ADCY2: variants seen among roughly 807,000 people sequenced by gnomAD.
The protein encoded by ADCY2 is adenylate cyclase 2, also known as adenylate cyclase type 2.
Under a neutral mutation model 125.2 loss-of-function variants are expected in ADCY2, and 31 were observed. The observed-to-expected ratio is 0.25, with a 90% CI of 0.19 to 0.33. The LOEUF is 0.33. ADCY2 is among the 10% of genes least tolerant of loss of function. The pLI is 1.00. For missense variants in ADCY2, 904 were observed against 1,418.2 expected, an observed-to-expected ratio of 0.64 and a Z score of 5.82; for synonymous variants, 512 against 548.4, an observed-to-expected ratio of 0.93 and a Z score of 0.93.
chr5:7,770,137 G>A (rs115090590), intron 17 of ADCY2, among the ~76,000 whole-genome samples: 2 of 152,182 alleles, frequency 1.3e-5, no homozygotes, highest in East Asian at 3.9e-4. Flanking sequence ...TAACAGAAAT[G>A]GACTAAAAGT....
At chr5:7,726,260 G>A (rs375150980) in intron 13 of ADCY2, among the ~76,000 whole-genome samples, 1 of 152,178 alleles carries the variant, frequency 6.6e-6, no homozygotes, top group Admixed American at 6.5e-5. Flanking sequence ...GAGCCTCATG[G>A]TTGAGAGTCT....
In ADCY2 at chr5:7,554,778, T is replaced by C. The variant is rs145764993; in HGVS notation, c.570+33879T>C. ...AGCACATGGTTCATGATAGATTTCATAGGATCTAGGAACCTTCTGAAATTC... is the reference window on the plus strand; with the variant it reads ...AGCACATGGTTCATGATAGATTTCACAGGATCTAGGAACCTTCTGAAATTC... On this transcript the variant is annotated intron_variant, in intron 3 of 24. Coordinates refer to ENST00000338316, the MANE Select transcript of ADCY2 (RefSeq NM_020546.3). Among the ~76,000 whole-genome samples, 238 of 152,318 alleles carry C rather than the reference T, an allele frequency of 1.6e-3. 2 individuals carry two copies. The highest frequency in any genetic ancestry group is 5.4e-3 in the African/African-American group (224 of 41,564).
chr5:7,466,646 T>C (rs1377586224), intron 2 of ADCY2, among the ~76,000 whole-genome samples: 1 of 152,218 alleles, frequency 6.6e-6, no homozygotes, highest in Non-Finnish European at 1.5e-5. Context: ...ACAGACTGGC[T>C]GCTAGAGCCC....
chr5:7,801,413 G>GC (rs1744590658), intron 20 of ADCY2: 1 of 152,188 alleles, frequency 6.6e-6, no homozygotes, highest in Admixed American at 6.5e-5. Flanking sequence ...GTCCACAGTG[G>GC]CCCCGGCTAG....
At chr5:7,558,146 G>A (rs1388589560) in intron 3 of ADCY2, among the ~76,000 whole-genome samples, 2 of 151,720 alleles carry the variant, frequency 1.3e-5, no homozygotes, top group African/African-American at 2.4e-5. Flanking sequence ...CCTGCCACCC[G>A]GGTTTAAGTG....
rs149177353 is a variant in ADCY2 at position 7,593,140 on chromosome 5, C to A, written c.571-33027C>A. Among the ~76,000 whole-genome samples the A allele has an allele frequency of 1.8e-4, 27 of 152,090 alleles. No homozygotes were observed. The East Asian group carries it at 5.0e-3, about 28-fold the overall frequency. On this transcript the variant is annotated intron_variant, in intron 3 of 24. Coordinates refer to ENST00000338316, the MANE Select transcript of ADCY2 (RefSeq NM_020546.3). ...CGCCCTCTGGGGGATGAGCGCAAAT[C>A]GAGGAAAACCTTGAAGGAGTGAAGT...
At chr5:7,475,242 C>CTT (rs1742478356) in intron 2 of ADCY2, among the ~76,000 whole-genome samples, 1 of 152,162 alleles carries the variant, frequency 6.6e-6, no homozygotes, top group African/African-American at 2.4e-5. Context: ...AAGAGAAAAT[C>CTT]CCAAGTGGGC....
intron 16 of ADCY2, among the ~76,000 whole-genome samples, chr5:7,764,798 A>C (rs1316149680): frequency 6.6e-6 from 1 of 152,216 alleles, no homozygotes; most frequent in Non-Finnish European, 1.5e-5. Context: ...CCTGGAGGGA[A>C]GGTGGGCAAG....
chr5:7,562,005 T>G (rs930683260), intron 3 of ADCY2, among the ~76,000 whole-genome samples: 1 of 152,218 alleles, frequency 6.6e-6, no homozygotes, highest in Non-Finnish European at 1.5e-5. Context: ...CTCCGTAGTA[T>G]GTATGTAGGC....
At chr5:7,679,922 G>A (rs967401338) in intron 4 of ADCY2, among the ~76,000 whole-genome samples, 2 of 152,134 alleles carry the variant, frequency 1.3e-5, no homozygotes, top group Admixed American at 1.3e-4. Flanking sequence ...TTAGTGCTCG[G>A]TATAGCCAAT....
rs1316021843 is a variant in ADCY2, at chr5:7,815,495, G to C, written c.2884-1371G>C. On this transcript the variant is annotated intron_variant, in intron 22 of 24. Coordinates refer to ENST00000338316, the MANE Select transcript of ADCY2 (RefSeq NM_020546.3). ...TGGTGCACAGAATCGTTAAGTATTG[G>C]GGGAGCAGAAACCTTCAGGACATTT... 7.9e-5 allele frequency among the ~76,000 whole-genome samples: 12 copies of C among 152,260 alleles called. No homozygotes were observed. In the East Asian group the frequency reaches 2.3e-3, roughly 29 times the overall value.
chr5:7,789,936 C>T, intron 20 of ADCY2, 136 bp downstream of exon 20: 1 of 670,072 alleles, frequency 1.5e-6, no homozygotes, highest in Non-Finnish European at 2.4e-6. Flanking sequence ...CCAAGATTGG[C>T]TTGAATTGTT....
chr5:7,680,651 C>T (rs557974282), intron 4 of ADCY2, among the ~76,000 whole-genome samples: 1 of 152,174 alleles, frequency 6.6e-6, no homozygotes, highest in African/African-American at 2.4e-5. Context: ...AGTGAGAAAA[C>T]ACACCCAATC....
chr5:7,728,027 A>G (rs1741981871), intron 14 of ADCY2, among the ~76,000 whole-genome samples: 1 of 152,168 alleles, frequency 6.6e-6, no homozygotes, highest in Non-Finnish European at 1.5e-5. Context: ...ATATGGAAAG[A>G]AATTTTAAGA....
At chr5:7,642,192 T>C (rs932662306) in intron 4 of ADCY2, among the ~76,000 whole-genome samples, 3 of 152,176 alleles carry the variant, frequency 2.0e-5, no homozygotes, top group Non-Finnish European at 4.4e-5. Context: ...TGTGTGTTTT[T>C]TTGACTGTTT....
rs3033085 is a variant in ADCY2 at position 7,459,772 on chromosome 5, ATTTTTT to A, written c.408+45030_408+45035del. ...GAACTATCTAGCAGTTTAAGAGGTA[ATTTTTT>A]TTTTTTTTTTTTTTTTTTTTTTTTT... On this transcript the variant is annotated intron_variant, in intron 2 of 24. Transcript: ENST00000338316. Among the ~76,000 whole-genome samples, 555 of 72,784 alleles carry A rather than the reference ATTTTTT, an allele frequency of 7.6e-3. 2 individuals carry two copies. The highest frequency in any genetic ancestry group is 0.03 in the African/African-American group (483 of 16,294). The allele number at this position is 72,784 out of a possible 152,430, so 47.7% of individuals were successfully genotyped here.
chr5:7,501,226 T>C (rs1254155159), intron 2 of ADCY2, among the ~76,000 whole-genome samples: 1 of 152,130 alleles, frequency 6.6e-6, no homozygotes, highest in Non-Finnish European at 1.5e-5. Context: ...TTCTATTCTA[T>C]TTTTCCATAT....
chr5:7,489,918 G>T (rs1307967360), intron 2 of ADCY2, among the ~76,000 whole-genome samples: 1 of 152,192 alleles, frequency 6.6e-6, no homozygotes, highest in Non-Finnish European at 1.5e-5. Flanking sequence ...GTGGAGACTT[G>T]AGCTGCGTAT....
chr5:7,429,393 A>G (rs761356949), intron 2 of ADCY2, among the ~76,000 whole-genome samples: 8 of 152,212 alleles, frequency 5.3e-5, no homozygotes, highest in African/African-American at 7.2e-5. Flanking sequence ...AGGAGATTTG[A>G]AAAGTCCCAT....
Sources: allele counts gnomAD v4.1 joint callset (sites outside exome capture counted in the v4.1 genomes callset), GRCh38; gene constraint gnomAD v4.1.1; transcripts MANE v1.5; gene names NCBI Gene and HGNC (gene_info 2026-07-23, HGNC 2026-07-21).